The following ZFR variants were observed in gnomAD, a reference collection of about 807,000 sequenced individuals.
The protein encoded by ZFR is zinc finger RNA-binding protein.
In ZFR, 19 loss-of-function variants were observed where a neutral mutation model predicts 130.7. The ratio of observed to expected loss-of-function variants is 0.15; its 90% CI spans 0.10 to 0.21. The LOEUF (loss-of-function observed/expected upper bound fraction) is 0.21. ZFR is among the 10% of genes least tolerant of loss of function. The pLI is 1.00. For synonymous variants in ZFR, 466 were observed against 456.9 expected, an observed-to-expected ratio of 1.02 and a Z score of -0.25; for missense variants, 872 against 1,321.5, an observed-to-expected ratio of 0.66 and a Z score of 5.27.
intron 2 of ZFR, among the ~76,000 whole-genome samples, chr5:32,426,653 G>T (rs181949538): frequency 7.2e-4 from 109 of 152,316 alleles, no homozygotes; most frequent in African/African-American, 2.5e-3. Flanking sequence ...TGTAATCACA[G>T]CACTTTGGGA....
intron 17 of ZFR, among the ~76,000 whole-genome samples, chr5:32,377,031 C>T (rs1752830098): frequency 6.7e-6 from 1 of 150,140 alleles, no homozygotes; most frequent in African/African-American, 2.4e-5. Context: ...GTGGCAGGCG[C>T]CTGTAGTCCC....
intron 19 of ZFR, among the ~76,000 whole-genome samples, chr5:32,356,564 C>A (rs1752313872): frequency 6.6e-6 from 1 of 152,044 alleles, no homozygotes; most frequent in South Asian, 2.1e-4. Flanking sequence ...AGGTGCCCGC[C>A]ACCACGCCTG....
At chr5:32,375,442 A>C (rs1463064726) in intron 17 of ZFR, among the ~76,000 whole-genome samples, 1 of 152,220 alleles carries the variant, frequency 6.6e-6, no homozygotes, top group Non-Finnish European at 1.5e-5. Flanking sequence ...TTGTTACTCT[A>C]GAATTATCTT....
At chr5:32,375,913 G>A (rs200028482) in intron 17 of ZFR, among the ~76,000 whole-genome samples, 2 of 150,778 alleles carry the variant, frequency 1.3e-5, no homozygotes, top group South Asian at 2.1e-4. Context: ...GCACGATCTC[G>A]GCTCACTGCA....
At chr5:32,410,959 A>T (rs990615117) in intron 5 of ZFR, among the ~76,000 whole-genome samples, 1 of 152,232 alleles carries the variant, frequency 6.6e-6, no homozygotes, top group Non-Finnish European at 1.5e-5. Context: ...CAAATGTACA[A>T]ATCTTTACAT....
At chr5:32,359,011 A>G (rs924574183) in intron 19 of ZFR, among the ~76,000 whole-genome samples, 1 of 152,148 alleles carries the variant, frequency 6.6e-6, no homozygotes, top group Non-Finnish European at 1.5e-5. Flanking sequence ...CCTGGGAAAC[A>G]TAAGGAGACC....
intron 17 of ZFR, among the ~76,000 whole-genome samples, chr5:32,366,975 G>A (rs578168986): frequency 6.6e-6 from 1 of 151,576 alleles, no homozygotes; most frequent in East Asian, 1.9e-4. Flanking sequence ...CACTGCAGCC[G>A]AGCTTGAACT....
intron 2 of ZFR, among the ~76,000 whole-genome samples, chr5:32,443,588 G>A (rs1034342927): frequency 1.3e-5 from 2 of 152,266 alleles, no homozygotes; most frequent in Admixed American, 6.5e-5. Context: ...CTCTCTCCTT[G>A]CAGGAAAAAC....
Position 32,444,722 on chromosome 5 carries a change from C to A in ZFR, c.-64G>T, listed in dbSNP as rs565246749. ...CGCTGCCTCCCTCCTCTGCCCCGCT[C>A]CTCCTCAGCGGAGAACAGACCGCCG... On this transcript the variant is annotated 5_prime_UTR_variant, in exon 1 of 20. Coordinates refer to ENST00000265069, the MANE Select transcript of ZFR (RefSeq NM_016107.5). 4.0e-6 allele frequency: 6 copies of A among 1,494,556 alleles called. No homozygotes were observed. The South Asian group carries it at 7.7e-5, about 19-fold the overall frequency. The allele number at this position is 1,494,556 out of a possible 1,614,324, so 92.6% of individuals were successfully genotyped here. A position where few individuals can be genotyped will look rare whatever the true frequency, so the allele number is the denominator to read the frequency against.
Position 32,397,849 on chromosome 5 carries a change from C to CTTTTTT in ZFR, c.1714-517_1714-512dup, listed in dbSNP as rs70961626. The stretch of plus-strand genomic sequence containing the variant: ...TGATAGCATGTGTTTGCTCTTGTAT[C>CTTTTTT]TTTTTTTTTTTTTTTTTTTTTTTTT... On this transcript the variant is annotated intron_variant, in intron 9 of 19. Transcript: ENST00000265069. Among the ~76,000 whole-genome samples, 432 of 66,874 alleles carry CTTTTTT rather than the reference C, an allele frequency of 6.5e-3. 93 individuals are homozygous for CTTTTTT. Among genetic ancestry groups the CTTTTTT allele is most frequent in the Non-Finnish European group, 7.5e-3 (295 of 39,506 alleles). The allele number at this position is 66,874 out of a possible 152,430, so 43.9% of individuals were successfully genotyped here. A position where few individuals can be genotyped will look rare whatever the true frequency, so the allele number is the denominator to read the frequency against.
chr5:32,438,252 A>ATTTTTTT (rs1561930577), intron 2 of ZFR, among the ~76,000 whole-genome samples: 4 of 83,476 alleles, frequency 4.8e-5, no homozygotes, highest in African/African-American at 1.5e-4. Context: ...TTTATCTGAA[A>ATTTTTTT]ATTTTTTTTT....
chr5:32,385,499 C>A lies in ZFR; in HGVS notation c.2641+9G>T. 6.2e-7 allele frequency: 1 copy of A among 1,611,372 alleles called. No individual in the cohort carries two copies. Among genetic ancestry groups the A allele is most frequent in the East Asian group, 2.2e-5 (1 of 44,776 alleles). On this transcript the variant is annotated intron_variant, in intron 15 of 19. Transcript: ENST00000265069. ...TAATAGAAAGTAGAAAGTTTAATGGCTTTCCAACCTCCTTCCCTCATGTTC... is the reference window on the plus strand; with the variant it reads ...TAATAGAAAGTAGAAAGTTTAATGGATTTCCAACCTCCTTCCCTCATGTTC...
rs1328888448 is a variant in ZFR, at chr5:32,390,405, A to G, written c.2012T>C (p.Met671Thr). 1 of 1,614,142 alleles carries G rather than the reference A, an allele frequency of 6.2e-7. No individual in the cohort carries two copies. The highest frequency in any genetic ancestry group is 8.5e-7 in the Non-Finnish European group (1 of 1,180,004). ...ATCCCAATGATGTTGTTCTTCCTCC[A>G]TTCTCCTCCAGTACATGTCCTCTTC... ...RYEEDMYWRR[M>T]EEEQHHWDDR... Residue 671 changes from methionine to threonine, a missense_variant, in exon 12 of 20, where the codon ATG becomes ACG. This residue lies in a region of ZFR where 225 missense variants were observed against 282.4 expected (regional missense o/e 0.80). Transcript: ENST00000265069.
rs764767028 is a variant in ZFR, at chr5:32,444,689, C to G, written c.-31G>C. The G allele has an allele frequency of 6.7e-7, 1 of 1,503,588 alleles. No homozygotes were observed. The highest frequency in any genetic ancestry group is 1.3e-5 in the South Asian group (1 of 78,762). The allele number at this position is 1,503,588 out of a possible 1,614,324, so 93.1% of individuals were successfully genotyped here. A position where few individuals can be genotyped will look rare whatever the true frequency, so the allele number is the denominator to read the frequency against. ...CGGGCTGCTGCTGCTGAACTCTGAA[C>G]TCTCACCCGCTGCCTCCCTCCTCTG... On this transcript the variant is annotated 5_prime_UTR_variant, in exon 1 of 20. Transcript: ENST00000265069.
intron 5 of ZFR, among the ~76,000 whole-genome samples, chr5:32,414,671 A>C (rs1035372238): frequency 6.6e-6 from 1 of 152,192 alleles, no homozygotes; most frequent in African/African-American, 2.4e-5. Context: ...CAGGAAAGTA[A>C]ACAATCCTGT....
intron 2 of ZFR, among the ~76,000 whole-genome samples, chr5:32,427,374 C>CAAAAAAAAAAAAAAAAA (rs540663022): frequency 3.0e-5 from 2 of 66,504 alleles, no homozygotes; most frequent in African/African-American, 1.3e-4. Context: ...GACTCTGTCT[C>CAAAAAAAAAAAAAAAAA]AAAAAAAAAA....
intron 4 of ZFR, among the ~76,000 whole-genome samples, chr5:32,416,905 AT>A (rs1362511812): frequency 1.9e-5 from 1 of 52,778 alleles, no homozygotes; most frequent in Non-Finnish European, 3.9e-5. Context: ...GGAAGTGCCC[AT>A]TTTTTTTCTT....
chr5:32,431,192 G>A (rs996744310), intron 2 of ZFR, among the ~76,000 whole-genome samples: 1 of 152,192 alleles, frequency 6.6e-6, no homozygotes, highest in African/African-American at 2.4e-5. Flanking sequence ...TGAGCAAAAA[G>A]AGTGGTAAAT....
In ZFR at chr5:32,419,813, T is replaced by C; in HGVS notation, c.420+8A>G. 1 of 1,584,966 alleles carries C rather than the reference T, an allele frequency of 6.3e-7. No individual in the cohort carries two copies. Among genetic ancestry groups the C allele is most frequent in the Middle Eastern group, 1.7e-4 (1 of 5,904 alleles). On this transcript the variant is annotated splice_region_variant and intron_variant, in intron 3 of 19. Transcript: ENST00000265069. Reference sequence around the variant, plus strand: ...CATTCAGGCTACCAAAACTAGTAGTTTTCTTACCTGGTAGTTTTGTGTAGT... The same window carrying C: ...CATTCAGGCTACCAAAACTAGTAGTCTTCTTACCTGGTAGTTTTGTGTAGT...
Sources: gnomAD v4.1 joint callset for allele counts (sites outside exome capture counted in the v4.1 genomes callset) on GRCh38, gnomAD v4.1.1 for gene constraint, gnomAD v4.1.1 regional missense constraint, MANE v1.5 for transcripts, NCBI Gene and HGNC (gene_info 2026-07-23, HGNC 2026-07-21) for gene names.